RARB: variants seen among roughly 807,000 people sequenced by gnomAD.
The protein encoded by RARB is HBV-activated protein.
Under a neutral mutation model 51.9 loss-of-function variants are expected in RARB, and 17 were observed. The ratio of observed to expected loss-of-function variants is 0.33; its 90% CI spans 0.22 to 0.49. RARB has a LOEUF of 0.49. RARB is among the 20% of genes least tolerant of loss of function. RARB has a pLI of 0.99. For missense variants in RARB, 369 were observed against 550.8 expected (o/e 0.67, Z 3.30); for synonymous variants, 215 against 195.4 (o/e 1.10, Z -0.84).
chr3:25,054,027 C>T (rs1698390566), intron 2 of RARB, among the ~76,000 whole-genome samples: 1 of 152,084 alleles, frequency 6.6e-6, no homozygotes, highest in Non-Finnish European at 1.5e-5. Flanking sequence ...TTGAGGAGTT[C>T]TTGGTTTCAT....
At chr3:25,151,721 G>A (rs1302354200) in intron 4 of RARB, among the ~76,000 whole-genome samples, 1 of 152,136 alleles carries the variant, frequency 6.6e-6, no homozygotes, top group Non-Finnish European at 1.5e-5. Flanking sequence ...CCAATCGGAT[G>A]GGCGGAACAA....
Position 25,493,790 on chromosome 3 carries a change from CT to C in RARB, c.307-7389del, listed in dbSNP as rs1372678559. Among the ~76,000 whole-genome samples the C allele has an allele frequency of 2.0e-5, 3 of 152,166 alleles. No individual in the cohort carries two copies. In the East Asian group the frequency reaches 5.8e-4, roughly 29 times the overall value. On this transcript the variant is annotated intron_variant, in intron 2 of 7. Coordinates refer to ENST00000330688, the MANE Select transcript of RARB (RefSeq NM_000965.5). ...ACAACTAAATATAGTGCCAAATTGCCTTTAAAAATTTTTTAAAAAGCCTTAA... is the reference window on the plus strand; with the variant it reads ...ACAACTAAATATAGTGCCAAATTGCCTTAAAAATTTTTTAAAAAGCCTTAA...
At chr3:24,845,832 G>C (rs1423446966) in intron 1 of RARB, among the ~76,000 whole-genome samples, 1 of 152,110 alleles carries the variant, frequency 6.6e-6, no homozygotes, top group East Asian at 1.9e-4. Flanking sequence ...TTAATCCAGA[G>C]TCGATTTCCT....
In RARB at chr3:25,063,547, G is replaced by A. The variant is rs868645285; in HGVS notation, c.-328+3371G>A. 1.6e-4 allele frequency among the ~76,000 whole-genome samples: 25 copies of A among 151,888 alleles called. No homozygotes were observed. In the South Asian group the frequency reaches 4.2e-3, roughly 25 times the overall value. ...TAAGGTAAAAAAACAAAAATGTACA[G>A]GCCTAAATAAAAATATGAAATAAAT... On this transcript the variant is annotated intron_variant, in intron 3 of 11. Coordinates refer to the RARB transcript ENST00000383772.
At chr3:25,369,077 C>A (rs1385739670) in intron 5 of RARB, among the ~76,000 whole-genome samples, 1 of 152,130 alleles carries the variant, frequency 6.6e-6, no homozygotes, top group African/African-American at 2.4e-5. Flanking sequence ...AGGTCAAGAT[C>A]ATAGTTTCCA....
At chr3:24,829,453 T>C (rs1034188808) in intron 1 of RARB, among the ~76,000 whole-genome samples, 1 of 152,082 alleles carries the variant, frequency 6.6e-6, no homozygotes, top group African/African-American at 2.4e-5. Flanking sequence ...GTGGCTGCTG[T>C]CCAAGCCCCT....
intron 1 of RARB, among the ~76,000 whole-genome samples, chr3:24,847,172 G>A (rs937656032): frequency 2.0e-5 from 3 of 152,292 alleles, no homozygotes; most frequent in Non-Finnish European, 4.4e-5. Context: ...GGAACCAGCC[G>A]TCTGTGCTTT....
chr3:25,023,359 C>A (rs921228003), intron 2 of RARB, among the ~76,000 whole-genome samples: 7 of 152,100 alleles, frequency 4.6e-5, no homozygotes, highest in Admixed American at 1.3e-4. Context: ...TTGATTAATG[C>A]GGTTAAAATG....
intron 3 of RARB, among the ~76,000 whole-genome samples, chr3:25,511,944 G>T (rs1697914870): frequency 6.6e-6 from 1 of 152,202 alleles, no homozygotes; most frequent in African/African-American, 2.4e-5. Flanking sequence ...GATGCAGTAT[G>T]CTGCTTAAAG....
chr3:24,996,826 T>A (rs1018024820), intron 2 of RARB, among the ~76,000 whole-genome samples: 2 of 152,134 alleles, frequency 1.3e-5, no homozygotes, highest in Admixed American at 1.3e-4. Context: ...ATACTGGATG[T>A]TATTTTGGTT....
At chr3:25,411,601 A>G (rs1707564315) in intron 5 of RARB, among the ~76,000 whole-genome samples, 1 of 152,218 alleles carries the variant, frequency 6.6e-6, no homozygotes. Context: ...AAATGCCAGT[A>G]GTGACCTCAA....
At chr3:25,460,346 C>T (rs1402347831) in intron 1 of RARB, among the ~76,000 whole-genome samples, 1 of 152,148 alleles carries the variant, frequency 6.6e-6, no homozygotes, top group African/African-American at 2.4e-5. Flanking sequence ...ATGGCTGCAT[C>T]ATGCTAAAGA....
At chr3:25,553,418 G>T (rs1699925877) in intron 3 of RARB, among the ~76,000 whole-genome samples, 1 of 152,134 alleles carries the variant, frequency 6.6e-6, no homozygotes, top group South Asian at 2.1e-4. Flanking sequence ...TTTAGACCCA[G>T]CTATTTGTGA....
chr3:25,124,942 C>A (rs142178409), intron 3 of RARB, among the ~76,000 whole-genome samples: 1 of 152,084 alleles, frequency 6.6e-6, no homozygotes, highest in Non-Finnish European at 1.5e-5. Flanking sequence ...TAGAAGAAGG[C>A]AAGTGATTTT....
chr3:25,382,991 C>T (rs1337128668), intron 5 of RARB, among the ~76,000 whole-genome samples: 1 of 152,172 alleles, frequency 6.6e-6, no homozygotes, highest in African/African-American at 2.4e-5. Context: ...CATGGAAGAA[C>T]TAGAGTGAGA....
At chr3:25,123,263 G>A (rs116615926) in intron 3 of RARB, among the ~76,000 whole-genome samples, 2,918 of 152,276 alleles carry the variant, frequency 0.019, 78 homozygotes, top group African/African-American at 0.057. Context: ...GTGTTTCACA[G>A]TTTCATTTCT....
At chr3:24,921,808 A>G (rs996845080) in intron 2 of RARB, among the ~76,000 whole-genome samples, 4 of 152,250 alleles carry the variant, frequency 2.6e-5, no homozygotes, top group Non-Finnish European at 5.9e-5. Flanking sequence ...AATCTCTGCA[A>G]TTAGCAATCC....
At chr3:25,140,275 A>T in intron 4 of RARB, among the ~76,000 whole-genome samples, 1 of 152,218 alleles carries the variant, frequency 6.6e-6, no homozygotes, top group East Asian at 1.9e-4. Context: ...AAATAATTCA[A>T]CATTCCAGAT....
intron 5 of RARB, among the ~76,000 whole-genome samples, chr3:25,238,604 C>T (rs993001452): frequency 6.6e-6 from 1 of 152,128 alleles, no homozygotes; most frequent in Non-Finnish European, 1.5e-5. Context: ...ATAGTAGCTG[C>T]ACTACTTTAC....
Sources: gnomAD v4.1 joint callset for allele counts (sites outside exome capture counted in the v4.1 genomes callset) on GRCh38, gnomAD v4.1.1 for gene constraint, MANE v1.5 for transcripts, NCBI Gene and HGNC (gene_info 2026-07-23, HGNC 2026-07-21) for gene names.